PITPNC1: variants seen among roughly 807,000 people sequenced by gnomAD.
The protein encoded by PITPNC1 is cytoplasmic phosphatidylinositol transfer protein 1.
Under a neutral mutation model 44.7 loss-of-function variants are expected in PITPNC1, and 18 were observed. The ratio of observed to expected loss-of-function variants is 0.40; its 90% CI spans 0.28 to 0.60. The LOEUF is 0.60. Ranked by LOEUF, PITPNC1 falls within the 20% of genes least tolerant of loss-of-function variation. The probability of loss-of-function intolerance (pLI) is 0.39; values close to 1 mark genes in which losing one functional copy is unlikely to be tolerated. For synonymous variants in PITPNC1, 141 were observed against 149.6 expected (o/e 0.94, Z 0.42); for missense variants, 290 against 418.4 (o/e 0.69, Z 2.68).
chr17:67,605,109 A>C (rs1247343870), intron 5 of PITPNC1, among the ~76,000 whole-genome samples: 1 of 152,152 alleles, frequency 6.6e-6, no homozygotes, highest in Non-Finnish European at 1.5e-5. Flanking sequence ...AAAACAATAA[A>C]ATAAAATAAA....
chr17:67,448,009 G>A (rs563119642), intron 1 of PITPNC1, among the ~76,000 whole-genome samples: 4 of 151,684 alleles, frequency 2.6e-5, no homozygotes, highest in African/African-American at 7.3e-5. Flanking sequence ...GCAGTGGTGC[G>A]ATCTCAGCTT....
At chr17:67,557,453 G>A (rs993174446) in intron 4 of PITPNC1, among the ~76,000 whole-genome samples, 4 of 152,200 alleles carry the variant, frequency 2.6e-5, no homozygotes, top group Admixed American at 6.5e-5. Context: ...AGGGCAGGTC[G>A]TGGTGTTTTC....
chr17:67,413,162 C>G (rs571812153), intron 1 of PITPNC1, among the ~76,000 whole-genome samples: 2 of 152,296 alleles, frequency 1.3e-5, no homozygotes, highest in Admixed American at 6.5e-5. Context: ...AGTTTTCCAA[C>G]CTGCTTGCTC....
chr17:67,476,396 A>T (rs567697113), intron 1 of PITPNC1, among the ~76,000 whole-genome samples: 7 of 152,206 alleles, frequency 4.6e-5, no homozygotes, highest in Admixed American at 4.6e-4. Context: ...CATGTTGGCC[A>T]GGCTGGTCTT....
chr17:67,481,774 ATT>A (rs1182867180), intron 1 of PITPNC1, among the ~76,000 whole-genome samples: 1 of 130,502 alleles, frequency 7.7e-6, no homozygotes, highest in African/African-American at 2.8e-5. Context: ...CAATTTGAAG[ATT>A]TAAAAAAAAA....
Position 67,654,541 on chromosome 17 carries a change from T to C in PITPNC1, c.463-14967T>C, listed in dbSNP as rs1305689627. 2.6e-5 allele frequency among the ~76,000 whole-genome samples: 4 copies of C among 152,202 alleles called. No individual in the cohort carries two copies. The East Asian group carries it at 7.7e-4, about 29-fold the overall frequency. On this transcript the variant is annotated intron_variant, in intron 6 of 8. Transcript: ENST00000581322. Reference sequence around the variant, plus strand: ...ATCATGTGCTTATCACTTTGGGATGTCTCCTGTGCATCACGCACCTTCTAT... The same window carrying C: ...ATCATGTGCTTATCACTTTGGGATGCCTCCTGTGCATCACGCACCTTCTAT...
At chr17:67,489,209 G>T (rs564614099) in intron 1 of PITPNC1, among the ~76,000 whole-genome samples, 3 of 152,192 alleles carry the variant, frequency 2.0e-5, no homozygotes, top group Admixed American at 6.5e-5. Flanking sequence ...GTACTTACTG[G>T]GCTGGATTGT....
At chr17:67,545,100 C>G (rs2040659871) in intron 2 of PITPNC1, among the ~76,000 whole-genome samples, 1 of 151,976 alleles carries the variant, frequency 6.6e-6, no homozygotes, top group Non-Finnish European at 1.5e-5. Context: ...TCCCTTGAGG[C>G]CAGGAGTTCG....
intron 4 of PITPNC1, among the ~76,000 whole-genome samples, chr17:67,571,812 T>A (rs1466840115): frequency 6.6e-6 from 1 of 152,252 alleles, no homozygotes; most frequent in Non-Finnish European, 1.5e-5. Context: ...CAGGAGTGAC[T>A]GACTGTCTTG....
At chr17:67,468,603 C>T (rs902204491) in intron 1 of PITPNC1, among the ~76,000 whole-genome samples, 2 of 151,232 alleles carry the variant, frequency 1.3e-5, no homozygotes, top group Non-Finnish European at 2.9e-5. Context: ...CGGGGTTTCA[C>T]CGTGTTAGCC....
chr17:67,450,625 C>T (rs2039161938), intron 1 of PITPNC1, among the ~76,000 whole-genome samples: 1 of 152,146 alleles, frequency 6.6e-6, no homozygotes, highest in African/African-American at 2.4e-5. Flanking sequence ...GAGATTTTCG[C>T]TGTGTTGCCC....
At chr17:67,608,770 T>C (rs543363477) in intron 5 of PITPNC1, among the ~76,000 whole-genome samples, 30 of 148,660 alleles carry the variant, frequency 2.0e-4, no homozygotes, top group South Asian at 2.2e-4. Flanking sequence ...TCCCAAAGCG[T>C]TGGGAGGCAT....
At chr17:67,435,782 G>A (rs1057224551) in intron 1 of PITPNC1, among the ~76,000 whole-genome samples, 2 of 152,074 alleles carry the variant, frequency 1.3e-5, no homozygotes, top group Non-Finnish European at 2.9e-5. Context: ...AACCTGGGAG[G>A]AGGAGGTTGC....
At chr17:67,425,193 G>GCGCGCGCGCGCGCGCACACACACACA (rs1160522771) in intron 1 of PITPNC1, among the ~76,000 whole-genome samples, 1 of 52,118 alleles carries the variant, frequency 1.9e-5, no homozygotes, top group Admixed American at 2.0e-4. Flanking sequence ...TTGTGCGCGC[G>GCGCGCGCGCGCGCGCACACACACACA]CACGCACACG....
chr17:67,557,533 A>G (rs2040854403), intron 4 of PITPNC1, among the ~76,000 whole-genome samples: 1 of 151,954 alleles, frequency 6.6e-6, no homozygotes, highest in African/African-American at 2.4e-5. Context: ...GTTCACTTTT[A>G]TTTTCCATCC....
chr17:67,442,204 C>CATGTATATAT (rs1178533056), intron 1 of PITPNC1, among the ~76,000 whole-genome samples: 1 of 54,218 alleles, frequency 1.8e-5, no homozygotes, highest in African/African-American at 5.0e-5. Context: ...GGAAAATAAG[C>CATGTATATAT]ATATATATAT....
chr17:67,528,294 G>A (rs796202230), intron 1 of PITPNC1, among the ~76,000 whole-genome samples: 20 of 152,258 alleles, frequency 1.3e-4, no homozygotes, highest in African/African-American at 4.3e-4. Context: ...CGCCTGCCTC[G>A]GCCTCCCAAA....
At chr17:67,655,329 T>G (rs1022227777) in intron 6 of PITPNC1, among the ~76,000 whole-genome samples, 1 of 151,738 alleles carries the variant, frequency 6.6e-6, no homozygotes, top group Non-Finnish European at 1.5e-5. Flanking sequence ...GAGGCCAAGA[T>G]GAGCGGATCA....
At chr17:67,594,021 T>C (rs1213585196) in intron 5 of PITPNC1, among the ~76,000 whole-genome samples, 2 of 152,182 alleles carry the variant, frequency 1.3e-5, no homozygotes, top group African/African-American at 4.8e-5. Context: ...ACAGCAATCT[T>C]GGGTCGTGGA....
Sources: gnomAD v4.1 joint callset for allele counts (sites outside exome capture counted in the v4.1 genomes callset) on GRCh38, gnomAD v4.1.1 for gene constraint, MANE v1.5 for transcripts, NCBI Gene and HGNC (gene_info 2026-07-23, HGNC 2026-07-21) for gene names.